Variants in PIGL observed in about 807,000 individuals in gnomAD.
PIGL encodes the protein N-acetylglucosaminyl-phosphatidylinositol de-N-acetylase.
PIGL carries 22 observed loss-of-function variants against 31.1 expected under a neutral mutation model. That is an observed-to-expected ratio of 0.71 (90% confidence interval 0.51 to 1.01). PIGL has a LOEUF of 1.01. Ranked by LOEUF, PIGL falls within the 50% of genes least tolerant of loss-of-function variation. PIGL has a pLI of 0.00. For missense variants in PIGL, 302 were observed against 315.9 expected, an observed-to-expected ratio of 0.96 and a Z score of 0.33; for synonymous variants, 131 against 117.4, an observed-to-expected ratio of 1.12 and a Z score of -0.75.
In PIGL at chr17:16,252,773, G is replaced by C. The variant is rs1284350666; in HGVS notation, c.335+18703G>C. Among the ~76,000 whole-genome samples, 5 of 152,052 alleles carry C rather than the reference G, an allele frequency of 3.3e-5. No individual in the cohort carries two copies. The East Asian group carries it at 9.6e-4, about 29-fold the overall frequency. On this transcript the variant is annotated intron_variant, in intron 2 of 6. Coordinates refer to ENST00000225609, the MANE Select transcript of PIGL (RefSeq NM_004278.4). ...AGCATAGAACAGAGTTCCTTTAAAA[G>C]ATAACAATGCATTTAAACCTTTTTA...
At chr17:16,323,129 T>C (rs1355059529) in intron 6 of PIGL, among the ~76,000 whole-genome samples, 1 of 152,246 alleles carries the variant, frequency 6.6e-6, no homozygotes, top group East Asian at 1.9e-4. Flanking sequence ...CCCAACCCTG[T>C]ATTTCCACTA....
intron 3 of PIGL, among the ~76,000 whole-genome samples, chr17:16,305,352 T>C (rs1244097813): frequency 1.3e-5 from 2 of 152,150 alleles, no homozygotes; most frequent in African/African-American, 4.8e-5. Flanking sequence ...AAAACTATCC[T>C]AGGTGAGAAC....
intron 2 of PIGL, among the ~76,000 whole-genome samples, chr17:16,235,705 G>T (rs183762650): frequency 6.6e-6 from 1 of 150,596 alleles, no homozygotes; most frequent in African/African-American, 2.4e-5. Flanking sequence ...CACCTGCCTC[G>T]GCCTCCCAAA....
At chr17:16,293,247 T>G (rs1031718407) in intron 2 of PIGL, among the ~76,000 whole-genome samples, 6 of 152,208 alleles carry the variant, frequency 3.9e-5, no homozygotes, top group African/African-American at 1.4e-4. Context: ...TCTTTCGGCC[T>G]GGCGCAGTGG....
intron 2 of PIGL, among the ~76,000 whole-genome samples, chr17:16,247,461 G>C (rs779626855): frequency 3.3e-5 from 5 of 152,200 alleles, no homozygotes; most frequent in Admixed American, 6.5e-5. Context: ...GAATGGAGAG[G>C]CATAGGATAG....
chr17:16,293,173 A>T (rs1013520853), intron 2 of PIGL, among the ~76,000 whole-genome samples: 1 of 152,224 alleles, frequency 6.6e-6, no homozygotes, highest in Non-Finnish European at 1.5e-5. Context: ...CCCCATTAGG[A>T]TATTTTGCCC....
At chr17:16,276,313 T>G (rs931380693) in intron 2 of PIGL, among the ~76,000 whole-genome samples, 1 of 152,222 alleles carries the variant, frequency 6.6e-6, no homozygotes, top group Non-Finnish European at 1.5e-5. Flanking sequence ...ATTAGAATAT[T>G]GATCCAGATT....
chr17:16,260,883 G>T (rs1235228693), intron 2 of PIGL, among the ~76,000 whole-genome samples: 1 of 152,090 alleles, frequency 6.6e-6, no homozygotes, highest in African/African-American at 2.4e-5. Context: ...ACTTTGGGAG[G>T]CTGAGGTGGG....
chr17:16,220,120 C>T (rs1047359981), intron 1 of PIGL, among the ~76,000 whole-genome samples: 2 of 151,892 alleles, frequency 1.3e-5, no homozygotes, highest in South Asian at 2.1e-4. Flanking sequence ...GAGGCCGAGG[C>T]GGGCAGATCA....
At position 16,220,029 on chromosome 17, in the gene PIGL, T is replaced by G. The variant is rs543052715; in HGVS notation, c.235+2568T>G. 3.3e-5 allele frequency among the ~76,000 whole-genome samples: 5 copies of G among 152,180 alleles called. No individual in the cohort carries two copies. The East Asian group carries it at 9.6e-4, about 29-fold the overall frequency. ...TATTTTCAATAGGTTCATAAAAATTTGGGACCAGAATTGAAAATTTTTTCA... is the reference window on the plus strand; with the variant it reads ...TATTTTCAATAGGTTCATAAAAATTGGGGACCAGAATTGAAAATTTTTTCA... On this transcript the variant is annotated intron_variant, in intron 1 of 6. Transcript: ENST00000225609.
At chr17:16,320,617 G>T (rs958687470) in intron 6 of PIGL, among the ~76,000 whole-genome samples, 20 of 151,968 alleles carry the variant, frequency 1.3e-4, no homozygotes, top group African/African-American at 4.8e-4. Flanking sequence ...TGGTTTTGGG[G>T]TTTTTTTGTT....
intron 3 of PIGL, among the ~76,000 whole-genome samples, chr17:16,311,053 T>C (rs968005477): frequency 5.3e-5 from 8 of 152,138 alleles, no homozygotes; most frequent in Non-Finnish European, 1.2e-4. Flanking sequence ...CATGCAGTCA[T>C]TATGCTTTAC....
chr17:16,292,174 A>G (rs537395332), intron 2 of PIGL, among the ~76,000 whole-genome samples: 1 of 151,120 alleles, frequency 6.6e-6, no homozygotes, highest in South Asian at 2.1e-4. Flanking sequence ...AGCTGGGATT[A>G]CAGGCACGCA....
intron 1 of PIGL, among the ~76,000 whole-genome samples, chr17:16,218,696 T>TTTC: frequency 6.6e-6 from 1 of 150,464 alleles, no homozygotes; most frequent in South Asian, 2.1e-4. Context: ...TTTTTTTTTT[T>TTTC]CTGAGATAGT....
In PIGL at chr17:16,292,482, G is replaced by A. The variant is rs1036171716; in HGVS notation, c.336-7406G>A. ...ACTCTTCATAGCAGAGTTCTTACAA[G>A]AGAGATCCACGCATGTGCTTTTCAT... On this transcript the variant is annotated intron_variant, in intron 2 of 6. Transcript: ENST00000225609. 4.6e-5 allele frequency among the ~76,000 whole-genome samples: 7 copies of A among 150,862 alleles called. No homozygotes were observed. In the East Asian group the frequency reaches 9.7e-4, roughly 21 times the overall value.
At chr17:16,240,832 G>T (rs1382823443) in intron 2 of PIGL, among the ~76,000 whole-genome samples, 1 of 151,416 alleles carries the variant, frequency 6.6e-6, no homozygotes, top group East Asian at 2.0e-4. Context: ...AAATAGGCCG[G>T]GCATGGTGGC....
chr17:16,217,229 GGAAGCAA>G lies in PIGL; in HGVS notation c.4_10del (p.Glu2CysfsTer25). 6.2e-7 allele frequency: 1 copy of G among 1,613,868 alleles called. No individual in the cohort carries two copies. Among genetic ancestry groups the G allele is most frequent in the Non-Finnish European group, 8.5e-7 (1 of 1,179,784 alleles). On this transcript the variant is annotated frameshift_variant, in exon 1 of 7. Transcript: ENST00000225609. LOFTEE classifies it high-confidence loss of function. ...AGGCTCAGTGCTGCTTACCCATCAT[GGAAGCAA>G]TGTGGCTCCTGTGTGTGGCGTTGGC...
intron 2 of PIGL, among the ~76,000 whole-genome samples, chr17:16,268,166 T>A (rs1253880242): frequency 6.6e-6 from 1 of 152,144 alleles, no homozygotes; most frequent in African/African-American, 2.4e-5. Flanking sequence ...CTACATGACC[T>A]GAGCCGAGAT....
chr17:16,253,203 G>A (rs537091517), intron 2 of PIGL, among the ~76,000 whole-genome samples: 3 of 151,274 alleles, frequency 2.0e-5, no homozygotes, highest in Non-Finnish European at 4.4e-5. Flanking sequence ...GCAGTGAGCC[G>A]AGATCACACC....
Sources: allele counts gnomAD v4.1 joint callset (sites outside exome capture counted in the v4.1 genomes callset), GRCh38; gene constraint gnomAD v4.1.1; transcripts MANE v1.5; gene names NCBI Gene and HGNC (gene_info 2026-07-23, HGNC 2026-07-21).